Variants in NRG3 observed in about 807,000 individuals in gnomAD.
NRG3 encodes pro-neuregulin-3, membrane-bound isoform.
In NRG3, 31 loss-of-function variants were observed where a neutral mutation model predicts 66.9. The ratio of observed to expected loss-of-function variants is 0.46; its 90% CI spans 0.35 to 0.63. The LOEUF (loss-of-function observed/expected upper bound fraction) is 0.63, where lower values mean the gene tolerates loss of function less well. Ranked by LOEUF, NRG3 falls within the 20% of genes least tolerant of loss-of-function variation. NRG3 has a pLI of 0.00. For synonymous variants in NRG3, 393 were observed against 359.4 expected, an observed-to-expected ratio of 1.09 and a Z score of -1.06; for missense variants, 910 against 878.9, an observed-to-expected ratio of 1.04 and a Z score of -0.45.
rs960287931 is a variant in NRG3 at position 82,953,022 on chromosome 10, A to G, written c.1157+1451A>G. Among the ~76,000 whole-genome samples the G allele has an allele frequency of 9.9e-5, 15 of 151,976 alleles. No individual in the cohort carries two copies. The East Asian group carries it at 2.5e-3, about 25-fold the overall frequency. ...TCACAATTAATGGAACAATATTGAT[A>G]TAGTATTACTAACTAAAGTCTGTAT... On this transcript the variant is annotated intron_variant, in intron 5 of 8. Transcript: ENST00000372141.
At chr10:82,382,443 AT>A (rs1295746146) in intron 2 of NRG3, among the ~76,000 whole-genome samples, 1 of 152,012 alleles carries the variant, frequency 6.6e-6, no homozygotes, top group African/African-American at 2.4e-5. Flanking sequence ...TTTGTGTTTT[AT>A]AATGATAAAG....
At chr10:82,978,746 TCA>T (rs1852547135) in intron 7 of NRG3, among the ~76,000 whole-genome samples, 1 of 152,202 alleles carries the variant, frequency 6.6e-6, no homozygotes, top group African/African-American at 2.4e-5. Context: ...TCCCTTTTTC[TCA>T]GTGTCTCCAA....
intron 4 of NRG3, among the ~76,000 whole-genome samples, chr10:82,932,972 C>G (rs1162551408): frequency 6.6e-6 from 1 of 152,140 alleles, no homozygotes; most frequent in Non-Finnish European, 1.5e-5. Context: ...CCTTTCTTCT[C>G]TTCTCTTCTT....
At chr10:82,624,232 T>C (rs1312511440) in intron 2 of NRG3, among the ~76,000 whole-genome samples, 1 of 152,184 alleles carries the variant, frequency 6.6e-6, no homozygotes, top group East Asian at 1.9e-4. Flanking sequence ...TTGAAAATAG[T>C]GAAATCTGTA....
intron 5 of NRG3, among the ~76,000 whole-genome samples, chr10:82,956,056 G>T (rs768112620): frequency 1.1e-4 from 16 of 151,848 alleles, no homozygotes; most frequent in Non-Finnish European, 1.0e-4. Flanking sequence ...CACAGGTGTT[G>T]ATACCAAGAG....
At chr10:82,452,068 C>G (rs1007270617) in intron 2 of NRG3, among the ~76,000 whole-genome samples, 1 of 152,134 alleles carries the variant, frequency 6.6e-6, no homozygotes. Flanking sequence ...GTGAGTGTCC[C>G]CAGATCTATG....
chr10:82,364,750 A>G (rs1240963685), intron 2 of NRG3, among the ~76,000 whole-genome samples: 5 of 152,232 alleles, frequency 3.3e-5, no homozygotes, highest in African/African-American at 1.2e-4. Flanking sequence ...ACCTGTATTG[A>G]CCATTTTGGA....
chr10:82,408,081 G>GAGAAAGAA (rs1564888020), intron 2 of NRG3, among the ~76,000 whole-genome samples: 4 of 67,028 alleles, frequency 6.0e-5, no homozygotes, highest in South Asian at 5.8e-4. Flanking sequence ...GAGAGAGAGA[G>GAGAAAGAA]AGACAGAAAG....
intron 2 of NRG3, among the ~76,000 whole-genome samples, chr10:82,720,625 T>A (rs2057238548): frequency 1.3e-5 from 2 of 151,362 alleles, no homozygotes; most frequent in South Asian, 4.2e-4. Flanking sequence ...TTCTCAACAG[T>A]GTCATGAGGG....
chr10:82,746,270 G>A (rs765297219), intron 3 of NRG3, among the ~76,000 whole-genome samples: 2 of 152,132 alleles, frequency 1.3e-5, no homozygotes, highest in Middle Eastern at 3.2e-3. Context: ...GCCTCTCTCA[G>A]CTAGAGTGTT....
At chr10:82,946,038 C>T (rs1848987106) in intron 4 of NRG3, among the ~76,000 whole-genome samples, 1 of 151,838 alleles carries the variant, frequency 6.6e-6, no homozygotes, top group Non-Finnish European at 1.5e-5. Flanking sequence ...ATTCAAGTAA[C>T]AAGTCTGAAG....
chr10:82,191,674 A>G (rs1345329476), intron 1 of NRG3, among the ~76,000 whole-genome samples: 1 of 152,210 alleles, frequency 6.6e-6, no homozygotes, highest in Non-Finnish European at 1.5e-5. Context: ...AGGGAACTTC[A>G]TTCCATGTTG....
intron 3 of NRG3, among the ~76,000 whole-genome samples, chr10:82,786,918 T>C (rs543631741): frequency 7.2e-4 from 109 of 152,240 alleles, no homozygotes; most frequent in Non-Finnish European, 9.4e-4. Context: ...CCCTTCCACC[T>C]TCCACTACGG....
chr10:81,914,207 AAAAT>A (rs1845450994), intron 1 of NRG3, among the ~76,000 whole-genome samples: 1 of 152,354 alleles, frequency 6.6e-6, no homozygotes, highest in South Asian at 2.1e-4. Flanking sequence ...TTTATAATAA[AAAAT>A]AAAATTAAAA....
intron 1 of NRG3, among the ~76,000 whole-genome samples, chr10:82,183,196 A>G (rs938931539): frequency 3.3e-5 from 5 of 151,742 alleles, no homozygotes; most frequent in African/African-American, 9.7e-5. Context: ...CTGTCCAGTA[A>G]TTTTTTAAAT....
chr10:82,399,262 G>A (rs759316787), intron 2 of NRG3, among the ~76,000 whole-genome samples: 7 of 152,032 alleles, frequency 4.6e-5, no homozygotes, highest in Admixed American at 6.6e-5. Context: ...TGTTCTAGAC[G>A]TACCAAATAG....
chr10:82,430,903 C>A (rs536958626), intron 2 of NRG3, among the ~76,000 whole-genome samples: 2 of 152,180 alleles, frequency 1.3e-5, no homozygotes, highest in Admixed American at 6.5e-5. Context: ...TTAACCTTAA[C>A]TTTTATTTAT....
At chr10:81,962,772 T>C (rs1022672328) in intron 1 of NRG3, among the ~76,000 whole-genome samples, 1 of 152,218 alleles carries the variant, frequency 6.6e-6, no homozygotes, top group Non-Finnish European at 1.5e-5. Flanking sequence ...TCCAGTCACA[T>C]GTCCAACCTC....
At chr10:82,829,617 G>C (rs919936391) in intron 3 of NRG3, among the ~76,000 whole-genome samples, 2 of 152,144 alleles carry the variant, frequency 1.3e-5, no homozygotes, top group East Asian at 3.9e-4. Flanking sequence ...CTCATGGTCT[G>C]AGAAGATGAG....
Sources: gnomAD v4.1 joint callset for allele counts (sites outside exome capture counted in the v4.1 genomes callset) on GRCh38, gnomAD v4.1.1 for gene constraint, MANE v1.5 for transcripts, NCBI Gene and HGNC (gene_info 2026-07-23, HGNC 2026-07-21) for gene names.